Variants in PLPPR1 observed in about 807,000 individuals in gnomAD.
PLPPR1 encodes phospholipid phosphatase-related protein type 1.
A neutral mutation model predicts 33.1 loss-of-function variants in PLPPR1; 10 were observed. The observed-to-expected ratio is 0.30, with a 90% CI of 0.19 to 0.51. The LOEUF (loss-of-function observed/expected upper bound fraction) is 0.51, where lower values mean the gene tolerates loss of function less well. PLPPR1 is among the 20% of genes least tolerant of loss of function. The probability of loss-of-function intolerance (pLI) is 0.97; values close to 1 mark genes in which losing one functional copy is unlikely to be tolerated. For missense variants in PLPPR1, 304 were observed against 408.1 expected, an observed-to-expected ratio of 0.74 and a Z score of 2.20; for synonymous variants, 151 against 151.0, an observed-to-expected ratio of 1.00 and a Z score of 0.00.
chr9:101,204,257 T>G (rs984120486), intron 2 of PLPPR1, among the ~76,000 whole-genome samples: 2 of 152,196 alleles, frequency 1.3e-5, no homozygotes, highest in African/African-American at 4.8e-5. Context: ...AGGGCTCACC[T>G]GCCCCAACCT....
At chr9:101,297,196 A>T (rs1828662855) in intron 4 of PLPPR1, among the ~76,000 whole-genome samples, 1 of 152,128 alleles carries the variant, frequency 6.6e-6, no homozygotes, top group Non-Finnish European at 1.5e-5. Flanking sequence ...TTACTTTTAG[A>T]AATCAGAAAA....
intron 1 of PLPPR1, among the ~76,000 whole-genome samples, chr9:101,073,379 A>G (rs1424620573): frequency 2.0e-5 from 3 of 152,076 alleles, no homozygotes; most frequent in African/African-American, 7.2e-5. Flanking sequence ...ACTCTCTTCA[A>G]TTGGCAACTT....
intron 1 of PLPPR1, among the ~76,000 whole-genome samples, chr9:101,129,464 CA>C (rs1831289359): frequency 6.6e-6 from 1 of 152,100 alleles, no homozygotes; most frequent in Admixed American, 6.5e-5. Context: ...AGAAACTACC[CA>C]AAAACCTATC....
chr9:101,063,384 A>G (rs1830369099), intron 1 of PLPPR1, among the ~76,000 whole-genome samples: 1 of 152,078 alleles, frequency 6.6e-6, no homozygotes, highest in Non-Finnish European at 1.5e-5. Flanking sequence ...GCGCTTAAGC[A>G]GAGAGTGGAG....
chr9:101,083,793 C>A (rs915016070), intron 1 of PLPPR1, among the ~76,000 whole-genome samples: 5 of 152,146 alleles, frequency 3.3e-5, no homozygotes, highest in East Asian at 1.9e-4. Flanking sequence ...TGCTCAGATT[C>A]TTTATTTTAA....
At chr9:101,289,585 C>G (rs1466976028) in intron 4 of PLPPR1, among the ~76,000 whole-genome samples, 1 of 152,156 alleles carries the variant, frequency 6.6e-6, no homozygotes, top group Non-Finnish European at 1.5e-5. Context: ...GGGTGGTTCC[C>G]CCATACTGTT....
intron 1 of PLPPR1, among the ~76,000 whole-genome samples, chr9:101,123,618 G>A (rs1831203577): frequency 6.6e-6 from 1 of 152,186 alleles, no homozygotes; most frequent in South Asian, 2.1e-4. Flanking sequence ...AAAGAAATAG[G>A]TGGTGAGAAT....
chr9:101,120,517 C>G (rs1831165641), intron 1 of PLPPR1, among the ~76,000 whole-genome samples: 1 of 152,188 alleles, frequency 6.6e-6, no homozygotes, highest in Non-Finnish European at 1.5e-5. Context: ...ATGACTTATC[C>G]TTGCCTTTCT....
At chr9:101,066,175 G>A (rs933594468) in intron 1 of PLPPR1, among the ~76,000 whole-genome samples, 3 of 151,908 alleles carry the variant, frequency 2.0e-5, no homozygotes, top group African/African-American at 4.8e-5. Flanking sequence ...TTCATATAAT[G>A]TTTTTCAATT....
rs769727157 is a variant in PLPPR1 at position 101,317,342 on chromosome 9, CT to C, written c.814-17del. On this transcript the variant is annotated intron_variant, in intron 6 of 7. Transcript: ENST00000374874. ...TTGATGGCTGCAGTCTGACCCCATT[CT>C]TTTTTCCCCCTCATCCTGCAGGGAA... 2.3e-4 allele frequency: 365 copies of C among 1,608,438 alleles called. 2 individuals carry two copies. In the Middle Eastern group the frequency reaches 6.6e-3, roughly 29 times the overall value.
chr9:101,282,232 C>A (rs963759747), intron 3 of PLPPR1, among the ~76,000 whole-genome samples: 3 of 152,164 alleles, frequency 2.0e-5, no homozygotes, highest in Non-Finnish European at 4.4e-5. Flanking sequence ...ATGTGGGATT[C>A]ATCCCAAGGG....
At chr9:101,110,136 A>G (rs115046873) in intron 1 of PLPPR1, among the ~76,000 whole-genome samples, 2,710 of 152,354 alleles carry the variant, frequency 0.018, 50 homozygotes, top group African/African-American at 0.046. Context: ...TTTTTAGCTA[A>G]CAAATTAGCT....
chr9:101,286,253 G>A lies in PLPPR1; in HGVS notation c.385+17G>A, dbSNP rs949015768. 4 of 1,588,338 alleles carry A rather than the reference G, an allele frequency of 2.5e-6. No homozygotes were observed. In the African/African-American group the frequency reaches 4.1e-5, roughly 16 times the overall value. On this transcript the variant is annotated intron_variant, in intron 4 of 7. Coordinates refer to ENST00000374874, the MANE Select transcript of PLPPR1 (RefSeq NM_207299.2). ...GATTCACAGGTGAGTACAAGATGGT[G>A]CTGAACTAAGCTCTCACATAAAAGT... is the stretch of plus-strand genomic sequence containing the variant.
intron 2 of PLPPR1, among the ~76,000 whole-genome samples, chr9:101,262,844 G>A (rs1370957814): frequency 1.3e-5 from 2 of 152,212 alleles, no homozygotes; most frequent in African/African-American, 4.8e-5. Flanking sequence ...ATGAGTTCAT[G>A]TCCTTTGCAA....
chr9:101,038,688 G>T (rs1830040567), intron 1 of PLPPR1, among the ~76,000 whole-genome samples: 1 of 152,066 alleles, frequency 6.6e-6, no homozygotes, highest in African/African-American at 2.4e-5. Context: ...CAAGAAGAGG[G>T]AACAAGGGAA....
In PLPPR1 at chr9:101,118,006, G is replaced by A. The variant is rs142181026; in HGVS notation, c.-45-67444G>A. On this transcript the variant is annotated intron_variant, in intron 1 of 7. Transcript: ENST00000374874. Reference sequence around the variant, plus strand: ...AGAGACAGAATGTGTAAGTTTAGCAGTATTTTCAAGTAAAAAGCATAAAGG... The same window carrying A: ...AGAGACAGAATGTGTAAGTTTAGCAATATTTTCAAGTAAAAAGCATAAAGG... Among the ~76,000 whole-genome samples the A allele has an allele frequency of 1.4e-4, 21 of 152,340 alleles. No individual in the cohort carries two copies. In the East Asian group the frequency reaches 4.0e-3, roughly 29 times the overall value.
At chr9:101,318,296 C>T (rs1829091972) in intron 7 of PLPPR1, among the ~76,000 whole-genome samples, 1 of 152,168 alleles carries the variant, frequency 6.6e-6, no homozygotes, top group Non-Finnish European at 1.5e-5. Context: ...AAATCTACTC[C>T]ATGTGAGAAG....
chr9:101,307,152 GAGA>G (rs1469990327), intron 4 of PLPPR1, among the ~76,000 whole-genome samples: 3 of 152,330 alleles, frequency 2.0e-5, no homozygotes, highest in Admixed American at 6.5e-5. Context: ...AGAAGGCAGA[GAGA>G]AGAAGAGAAG....
intron 3 of PLPPR1, among the ~76,000 whole-genome samples, chr9:101,282,357 A>G (rs767429669): frequency 9.9e-5 from 15 of 152,192 alleles, no homozygotes; most frequent in Non-Finnish European, 1.9e-4. Context: ...ACAAAATTCA[A>G]TATCCTTTTA....
Sources: gnomAD v4.1 joint callset for allele counts (sites outside exome capture counted in the v4.1 genomes callset) on GRCh38, gnomAD v4.1.1 for gene constraint, MANE v1.5 for transcripts, NCBI Gene and HGNC (gene_info 2026-07-23, HGNC 2026-07-21) for gene names.